Variants in FILIP1 observed in about 807,000 individuals in gnomAD.
FILIP1 encodes the protein filamin-A-interacting protein 1.
In FILIP1, 61 loss-of-function variants were observed where a neutral mutation model predicts 102.1. That is an observed-to-expected ratio of 0.60 (90% CI 0.49 to 0.74). FILIP1 has a LOEUF of 0.74. FILIP1 is among the 30% of genes least tolerant of loss of function. FILIP1 has a pLI of 0.00. For missense variants in FILIP1, 1,314 were observed against 1,441.2 expected, an observed-to-expected ratio of 0.91 and a Z score of 1.43; for synonymous variants, 491 against 526.9, an observed-to-expected ratio of 0.93 and a Z score of 0.93.
At chr6:75,450,105 A>G (rs1778574296) in intron 1 of FILIP1, among the ~76,000 whole-genome samples, 2 of 151,970 alleles carry the variant, frequency 1.3e-5, no homozygotes, top group East Asian at 1.9e-4. Flanking sequence ...GTGCCTGATT[A>G]CTTTTTAAAA....
At chr6:75,415,013 T>C in intron 1 of FILIP1, 35 bp from the exon 2 acceptor site, 1 of 1,566,232 alleles carries the variant, frequency 6.4e-7, no homozygotes, top group Non-Finnish European at 8.7e-7. Flanking sequence ...TAAGATGTTC[T>C]TTACCACCAT....
intron 1 of FILIP1, among the ~76,000 whole-genome samples, chr6:75,488,435 C>A (rs575455520): frequency 6.6e-6 from 1 of 150,964 alleles, no homozygotes; most frequent in South Asian, 2.1e-4. Context: ...CATAGACTGA[C>A]CATTTAAGAA....
At chr6:75,436,410 G>A (rs1778023938) in intron 1 of FILIP1, among the ~76,000 whole-genome samples, 1 of 151,574 alleles carries the variant, frequency 6.6e-6, no homozygotes, top group African/African-American at 2.4e-5. Context: ...AGCTTCCATT[G>A]TAAAACTGTA....
chr6:75,391,318 C>A (rs1776273409), intron 2 of FILIP1, among the ~76,000 whole-genome samples: 1 of 152,108 alleles, frequency 6.6e-6, no homozygotes, highest in African/African-American at 2.4e-5. Flanking sequence ...AAAACTCATG[C>A]CAACTGATCT....
chr6:75,391,609 C>G (rs932805112), intron 2 of FILIP1, among the ~76,000 whole-genome samples: 3 of 152,156 alleles, frequency 2.0e-5, no homozygotes, highest in African/African-American at 7.2e-5. Context: ...TTCTAATTAA[C>G]ACAAACTTCT....
At chr6:75,345,725 T>C (rs1774558709) in intron 4 of FILIP1, among the ~76,000 whole-genome samples, 1 of 152,254 alleles carries the variant, frequency 6.6e-6, no homozygotes, top group Non-Finnish European at 1.5e-5. Context: ...CTTTTCCTTT[T>C]TGGACACCTC....
At chr6:75,400,629 A>G (rs777224808) in intron 2 of FILIP1, among the ~76,000 whole-genome samples, 2 of 152,020 alleles carry the variant, frequency 1.3e-5, no homozygotes, top group African/African-American at 2.4e-5. Flanking sequence ...ATGCCTAGAG[A>G]ACCGCAGGAG....
chr6:75,297,825 A>G lies in FILIP1; in HGVS notation c.3494-1875T>C, dbSNP rs74534375. On this transcript the variant is annotated intron_variant, in intron 6 of 6. Transcript: ENST00000393004. ...ATTTCCTTCCCTTAAGAAAGCATAG[A>G]TAAAGAGTGAAATCAGAATTGTTCT... 1.1e-4 allele frequency among the ~76,000 whole-genome samples: 17 copies of G among 152,358 alleles called. No individual in the cohort carries two copies. The East Asian group carries it at 2.9e-3, about 26-fold the overall frequency.
chr6:75,432,308 C>T (rs1291151615), intron 1 of FILIP1, among the ~76,000 whole-genome samples: 2 of 152,222 alleles, frequency 1.3e-5, no homozygotes, highest in South Asian at 4.1e-4. Flanking sequence ...TTATTGTTTT[C>T]GAATTATTTT....
chr6:75,436,939 T>A (rs1396125748), intron 1 of FILIP1, among the ~76,000 whole-genome samples: 1 of 152,060 alleles, frequency 6.6e-6, no homozygotes, highest in African/African-American at 2.4e-5. Flanking sequence ...GAACGCAGAG[T>A]TGAGAAGAGA....
chr6:75,445,261 C>A (rs890585859), intron 1 of FILIP1, among the ~76,000 whole-genome samples: 1 of 152,070 alleles, frequency 6.6e-6, no homozygotes, highest in African/African-American at 2.4e-5. Context: ...TTGAGCTATT[C>A]CCCAAAATAA....
exon 7 of FILIP1, chr6:75,293,929 C>A (rs570552070): frequency 1.7e-4 from 26 of 152,202 alleles, no homozygotes; most frequent in Non-Finnish European, 3.2e-4. Flanking sequence ...AACCCAGTAA[C>A]AATTCTAAAA....
exon 7 of FILIP1, chr6:75,294,089 A>G (rs1268857154): frequency 1.3e-5 from 2 of 152,252 alleles, no homozygotes; most frequent in Non-Finnish European, 2.9e-5. Context: ...TATAATTTAT[A>G]ATACATGTTG....
At chr6:75,306,608 AT>A (rs1171170002), downstream of FILIP1, among the ~76,000 whole-genome samples, 1 of 152,220 alleles carries the variant, frequency 6.6e-6, no homozygotes, top group Non-Finnish European at 1.5e-5. Flanking sequence ...TTGTAAAAAA[AT>A]ATGTCAGTAT....
intron 2 of FILIP1, among the ~76,000 whole-genome samples, chr6:75,376,224 T>G (rs937303624): frequency 2.0e-5 from 3 of 152,168 alleles, no homozygotes; most frequent in Non-Finnish European, 4.4e-5. Flanking sequence ...TTTGCTTATT[T>G]TTACTCCTAC....
chr6:75,477,103 T>C (rs775400598), intron 1 of FILIP1, among the ~76,000 whole-genome samples: 5 of 152,226 alleles, frequency 3.3e-5, no homozygotes, highest in African/African-American at 4.8e-5. Context: ...TAAAAGTGCC[T>C]TGATTTTGTG....
intron 1 of FILIP1, among the ~76,000 whole-genome samples, chr6:75,485,965 C>A (rs1342843009): frequency 2.4e-5 from 3 of 124,140 alleles, no homozygotes; most frequent in Non-Finnish European, 3.3e-5. Context: ...GCCTTCTGAC[C>A]AAAACACACA....
chr6:75,350,475 T>C (rs1774759970), intron 4 of FILIP1, among the ~76,000 whole-genome samples: 1 of 151,856 alleles, frequency 6.6e-6, no homozygotes. Flanking sequence ...TGTAATTGTT[T>C]TAATAAAATT....
chr6:75,358,274 A>G (rs573118374), intron 3 of FILIP1: 2 of 152,350 alleles, frequency 1.3e-5, no homozygotes, highest in South Asian at 4.1e-4. Context: ...AGAGAAGTCT[A>G]CTTAAAAGCA....
Sources: allele counts gnomAD v4.1 joint callset (sites outside exome capture counted in the v4.1 genomes callset), GRCh38; gene constraint gnomAD v4.1.1; transcripts MANE v1.5; gene names NCBI Gene and HGNC (gene_info 2026-07-23, HGNC 2026-07-21).